The following C1orf94 variants were observed in gnomAD, a reference collection of about 807,000 sequenced individuals.
C1orf94 encodes the protein uncharacterized protein C1orf94.
In C1orf94, 45 loss-of-function variants were observed where a neutral mutation model predicts 53.6. The observed-to-expected ratio is 0.84, with a 90% CI of 0.66 to 1.08. The LOEUF is 1.08. Among genes scored for constraint, C1orf94 ranks in the 50% least tolerant of loss-of-function variants. The pLI, the probability that C1orf94 is intolerant of heterozygous loss-of-function variation, is 0.00. For missense variants in C1orf94, 762 were observed against 738.9 expected (o/e 1.03, Z -0.36); for synonymous variants, 304 against 296.1 (o/e 1.03, Z -0.27).
intron 2 of C1orf94, among the ~76,000 whole-genome samples, chr1:34,199,145 A>C (rs908096157): frequency 2.0e-5 from 3 of 152,226 alleles, no homozygotes; most frequent in Non-Finnish European, 4.4e-5. Context: ...ACATTTGTGC[A>C]TATGTCTGTC....
chr1:34,204,536 G>C (rs1010376252), intron 4 of C1orf94, among the ~76,000 whole-genome samples: 3 of 152,086 alleles, frequency 2.0e-5, no homozygotes, highest in African/African-American at 7.2e-5. Flanking sequence ...GAAATGTCCT[G>C]TTCATTGATT....
At chr1:34,189,146 T>C (rs1393271927) in intron 1 of C1orf94, among the ~76,000 whole-genome samples, 1 of 148,134 alleles carries the variant, frequency 6.8e-6, no homozygotes, top group Non-Finnish European at 1.5e-5. Context: ...TGTGTATGGA[T>C]GTGTGTGCAT....
chr1:34,175,952 T>C (rs1471315271), upstream of C1orf94, among the ~76,000 whole-genome samples: 2 of 152,090 alleles, frequency 1.3e-5, no homozygotes, highest in Non-Finnish European at 2.9e-5. Context: ...ACCTAATAGT[T>C]ATTTTCCATC....
At chr1:34,218,248 C>T (rs1296670142) in intron 6 of C1orf94, among the ~76,000 whole-genome samples, 2 of 152,122 alleles carry the variant, frequency 1.3e-5, no homozygotes, top group African/African-American at 4.8e-5. Context: ...GATTGTCCAG[C>T]CCCAAAGACC....
intron 4 of C1orf94, among the ~76,000 whole-genome samples, chr1:34,203,278 C>T (rs1642742689): frequency 6.6e-6 from 1 of 152,138 alleles, no homozygotes; most frequent in Non-Finnish European, 1.5e-5. Context: ...GCTGGGATTA[C>T]TGGTATGTGC....
At chr1:34,201,286 A>G (rs1279492262) in intron 3 of C1orf94, among the ~76,000 whole-genome samples, 1 of 152,198 alleles carries the variant, frequency 6.6e-6, no homozygotes, top group Non-Finnish European at 1.5e-5. Context: ...TATAGCCCTG[A>G]CCCAGCATGT....
At chr1:34,176,877 G>A (rs1642233520), upstream of C1orf94, among the ~76,000 whole-genome samples, 1 of 145,334 alleles carries the variant, frequency 6.9e-6, no homozygotes, top group Admixed American at 6.8e-5. Context: ...CCCCACCGGC[G>A]GGTCTTGGGC....
rs754386903 is a variant in C1orf94, at chr1:34,212,284, CCCT to C, written c.1600_1602del (p.Pro534del). ...CCTACACCCCTCTGCTGAGCTACAT[CCCT>C]TTTGTCCAGCCCAATTATCCCTACC... On this transcript the variant is annotated inframe_deletion, in exon 6 of 7. Coordinates refer to ENST00000488417, the MANE Select transcript of C1orf94 (RefSeq NM_001134734.2). 1 of 1,614,018 alleles carries C rather than the reference CCCT, an allele frequency of 6.2e-7. No homozygotes were observed. The highest frequency in any genetic ancestry group is 1.1e-5 in the South Asian group (1 of 91,050).
chr1:34,178,966 T>TTATTACC (rs1642272786), intron 1 of C1orf94, among the ~76,000 whole-genome samples: 4 of 152,250 alleles, frequency 2.6e-5, no homozygotes, highest in Non-Finnish European at 5.9e-5. Context: ...ATGGATTAAG[T>TTATTACC]GTTAATAATT....
intron 1 of C1orf94, among the ~76,000 whole-genome samples, chr1:34,186,440 A>C (rs1454936141): frequency 6.6e-6 from 1 of 152,234 alleles, no homozygotes; most frequent in African/African-American, 2.4e-5. Flanking sequence ...GACATGATTG[A>C]TATGGGACAA....
chr1:34,201,213 T>C (rs1312552628), intron 3 of C1orf94, among the ~76,000 whole-genome samples, 181 bp downstream of exon 3: 3 of 152,200 alleles, frequency 2.0e-5, no homozygotes, highest in Admixed American at 6.5e-5. Flanking sequence ...GGGAATACAG[T>C]TGCTAGAGAA....
chr1:34,201,910 C>G (rs1240321020), intron 3 of C1orf94, among the ~76,000 whole-genome samples, 174 bp from the exon 4 acceptor site: 1 of 152,212 alleles, frequency 6.6e-6, no homozygotes, highest in Non-Finnish European at 1.5e-5. Context: ...AAGGTGTGAA[C>G]TAATGATGTT....
rs553510291 is a variant in C1orf94 at position 34,217,317 on chromosome 1, A to G, written c.1722-1369A>G. 4.1e-4 allele frequency among the ~76,000 whole-genome samples: 63 copies of G among 152,244 alleles called. No individual in the cohort carries two copies. In the South Asian group the frequency reaches 0.012, roughly 30 times the overall value. On this transcript the variant is annotated intron_variant, in intron 6 of 6. Coordinates refer to ENST00000488417, the MANE Select transcript of C1orf94 (RefSeq NM_001134734.2). ...TGATCAGAAGTTCTCAACCTGGAGGACCTAGCTGCATGTGTGCCAATCAGA... is the reference window on the plus strand; with the variant it reads ...TGATCAGAAGTTCTCAACCTGGAGGGCCTAGCTGCATGTGTGCCAATCAGA...
At chr1:34,195,293 A>G (rs545574826) in intron 1 of C1orf94, among the ~76,000 whole-genome samples, 3 of 152,260 alleles carry the variant, frequency 2.0e-5, no homozygotes, top group Middle Eastern at 3.4e-3. Context: ...ACCTCGCCCA[A>G]TGCTCCCAAC....
At chr1:34,186,578 T>C (rs1642387988) in intron 1 of C1orf94, among the ~76,000 whole-genome samples, 1 of 152,216 alleles carries the variant, frequency 6.6e-6, no homozygotes, top group Non-Finnish European at 1.5e-5. Flanking sequence ...TAACTCATAT[T>C]GTCTTCTAAG....
Position 34,178,028 on chromosome 1 carries a change from C to A in C1orf94, c.239C>A (p.Ser80Ter), listed in dbSNP as rs1422841349. The A allele has an allele frequency of 1.5e-5, 23 of 1,551,752 alleles. No individual in the cohort carries two copies. Among genetic ancestry groups the A allele is most frequent in the Non-Finnish European group, 2.0e-5 (23 of 1,146,998 alleles). Residue 80 changes from serine to a stop codon, truncating the protein, a stop_gained, in exon 1 of 7, where the codon TCA (serine) becomes TAA (stop). Coordinates refer to ENST00000488417, the MANE Select transcript of C1orf94 (RefSeq NM_001134734.2). LOFTEE classifies it high-confidence loss of function. The part of the protein sequence containing the change: ...WKRVQGLPEA[S>*]QPWTSMEQLS... ...AGAGTTCAAGGCCTGCCTGAGGCCT[C>A]ACAGCCCTGGACCTCCATGGAGCAG... is the stretch of plus-strand genomic sequence containing the variant.
At chr1:34,184,825 T>C (rs1273812343) in intron 1 of C1orf94, among the ~76,000 whole-genome samples, 1 of 151,602 alleles carries the variant, frequency 6.6e-6, no homozygotes, top group South Asian at 2.1e-4. Flanking sequence ...GCCTCTTTTG[T>C]TTTTTTTGGT....
chr1:34,214,479 C>A (rs779434558), intron 6 of C1orf94, among the ~76,000 whole-genome samples: 1 of 152,044 alleles, frequency 6.6e-6, no homozygotes, highest in Non-Finnish European at 1.5e-5. Context: ...CTCTAGGGGC[C>A]TATGGGACAG....
Position 34,177,249 on chromosome 1 carries a change from G to A in C1orf94, c.-541G>A, listed in dbSNP as rs1034712362. Reference sequence around the variant, plus strand: ...GACCTGGGCCGGGGGTGGGAGTCGGGCCGTTGACGCTCGCTCTGCGAGGGG... The same window carrying A: ...GACCTGGGCCGGGGGTGGGAGTCGGACCGTTGACGCTCGCTCTGCGAGGGG... On this transcript the variant is annotated 5_prime_UTR_variant, in exon 1 of 7. Coordinates refer to ENST00000488417, the MANE Select transcript of C1orf94 (RefSeq NM_001134734.2). Among the ~76,000 whole-genome samples the A allele has an allele frequency of 2.6e-5, 4 of 152,234 alleles. No homozygotes were observed. Among genetic ancestry groups the A allele is most frequent in the African/African-American group, 9.6e-5 (4 of 41,472 alleles).
Sources: allele counts gnomAD v4.1 joint callset (sites outside exome capture counted in the v4.1 genomes callset), GRCh38; gene constraint gnomAD v4.1.1; transcripts MANE v1.5; gene names NCBI Gene and HGNC (gene_info 2026-07-23, HGNC 2026-07-21).